Variants in CDH18 observed in about 807,000 individuals in gnomAD.
CDH18 encodes the protein cadherin-18.
CDH18 carries 31 observed loss-of-function variants against 67.9 expected under a neutral mutation model. The observed-to-expected ratio is 0.46, with a 90% confidence interval of 0.34 to 0.62. CDH18 has a LOEUF of 0.62. CDH18 is among the 20% of genes least tolerant of loss of function. The pLI is 0.01. For missense variants in CDH18, 890 were observed against 975.5 expected, an observed-to-expected ratio of 0.91 and a Z score of 1.17; for synonymous variants, 362 against 347.2, an observed-to-expected ratio of 1.04 and a Z score of -0.48.
intron 2 of CDH18, among the ~76,000 whole-genome samples, chr5:19,869,610 C>T (rs894458557): frequency 6.6e-6 from 1 of 152,028 alleles, no homozygotes; most frequent in African/African-American, 2.4e-5. Flanking sequence ...TCCAATGTCA[C>T]TTTATGACTT....
chr5:20,447,592 C>T (rs1750099833), intron 1 of CDH18, among the ~76,000 whole-genome samples: 1 of 152,146 alleles, frequency 6.6e-6, no homozygotes, highest in South Asian at 2.1e-4. Flanking sequence ...TAGAAGTTAA[C>T]CAGTCTCACA....
chr5:20,513,969 G>A (rs1290320342), intron 1 of CDH18, among the ~76,000 whole-genome samples: 1 of 152,074 alleles, frequency 6.6e-6, no homozygotes, highest in Non-Finnish European at 1.5e-5. Flanking sequence ...CAAAAATGTT[G>A]CTGATAATAA....
intron 1 of CDH18, among the ~76,000 whole-genome samples, chr5:20,501,893 T>TACACAC (rs61655025): frequency 1.2e-4 from 17 of 145,132 alleles, no homozygotes; most frequent in African/African-American, 3.0e-4. Context: ...AATACTTCCT[T>TACACAC]ACACACACAC....
intron 2 of CDH18, among the ~76,000 whole-genome samples, chr5:20,182,203 T>G (rs1329551741): frequency 6.6e-6 from 1 of 150,982 alleles, no homozygotes; most frequent in Non-Finnish European, 1.5e-5. Context: ...CGATAACTTG[T>G]TTTTTTTTGC....
chr5:19,502,838 A>G (rs776398695), intron 11 of CDH18, 154 bp downstream of exon 11: 20 of 668,320 alleles, frequency 3.0e-5, no homozygotes, highest in Non-Finnish European at 4.6e-5. Flanking sequence ...TCAATTTTAA[A>G]CACAAGCTAT....
At chr5:20,499,141 G>A (rs2126427444) in intron 1 of CDH18, among the ~76,000 whole-genome samples, 1 of 151,640 alleles carries the variant, frequency 6.6e-6, no homozygotes, top group African/African-American at 2.4e-5. Context: ...CACACACACA[G>A]TCTTCTCTTG....
At chr5:19,538,970 C>A (rs1017897272) in intron 9 of CDH18, among the ~76,000 whole-genome samples, 2 of 152,132 alleles carry the variant, frequency 1.3e-5, no homozygotes, top group African/African-American at 4.8e-5. Flanking sequence ...CCTTCCAAAA[C>A]AGAATATATT....
intron 1 of CDH18, among the ~76,000 whole-genome samples, chr5:20,465,894 A>G (rs1352713823): frequency 6.6e-6 from 1 of 152,078 alleles, no homozygotes; most frequent in Non-Finnish European, 1.5e-5. Flanking sequence ...TAAAGCTTGA[A>G]GCAGTAATTT....
intron 1 of CDH18, among the ~76,000 whole-genome samples, chr5:20,517,323 C>T (rs1400823980): frequency 1.3e-5 from 2 of 151,246 alleles, no homozygotes; most frequent in African/African-American, 2.4e-5. Flanking sequence ...TACATATAAA[C>T]ATGATAAAGT....
intron 2 of CDH18, among the ~76,000 whole-genome samples, chr5:19,973,155 T>C (rs184600258): frequency 6.6e-6 from 1 of 152,212 alleles, no homozygotes; most frequent in Admixed American, 6.5e-5. Context: ...AAAAGTAATG[T>C]TAAAAAGCCA....
chr5:19,969,678 A>G (rs975059490), intron 2 of CDH18, among the ~76,000 whole-genome samples: 11 of 136,150 alleles, frequency 8.1e-5, no homozygotes, highest in Non-Finnish European at 1.4e-4. Context: ...GGAACATCAC[A>G]CTCTGGGGAC....
intron 3 of CDH18, among the ~76,000 whole-genome samples, chr5:19,761,029 T>C (rs1581230775): frequency 6.6e-6 from 1 of 152,140 alleles, no homozygotes; most frequent in Non-Finnish European, 1.5e-5. Context: ...ATTGGGGTCC[T>C]CCCACATGTC....
intron 1 of CDH18, among the ~76,000 whole-genome samples, chr5:20,446,411 G>A (rs180959164): frequency 2.2e-4 from 33 of 152,048 alleles, no homozygotes; most frequent in African/African-American, 7.2e-4. Flanking sequence ...AACCCACTCC[G>A]CAGGCCAAGG....
At chr5:19,745,899 T>C (rs1769932484) in intron 4 of CDH18, among the ~76,000 whole-genome samples, 1 of 151,910 alleles carries the variant, frequency 6.6e-6, no homozygotes, top group African/African-American at 2.4e-5. Flanking sequence ...CCATCTTCCA[T>C]TTTTAAAAAA....
At chr5:19,595,765 C>T (rs1221442712) in intron 6 of CDH18, among the ~76,000 whole-genome samples, 5 of 152,208 alleles carry the variant, frequency 3.3e-5, no homozygotes, top group Admixed American at 1.3e-4. Flanking sequence ...TTTCTCAGCT[C>T]TCTTTCATAA....
intron 7 of CDH18, among the ~76,000 whole-genome samples, chr5:19,578,192 G>A (rs776804286): frequency 5.3e-5 from 8 of 152,184 alleles, no homozygotes; most frequent in Admixed American, 3.3e-4. Flanking sequence ...CCTAGGAAAC[G>A]AATGTAAATT....
intron 2 of CDH18, among the ~76,000 whole-genome samples, chr5:20,025,935 T>C (rs377072314): frequency 2.0e-5 from 3 of 152,362 alleles, no homozygotes; most frequent in South Asian, 4.1e-4. Flanking sequence ...CTTGGAAATA[T>C]GTTCTATTAA....
chr5:19,490,119 T>C (rs1168441338), intron 11 of CDH18, among the ~76,000 whole-genome samples: 1 of 151,712 alleles, frequency 6.6e-6, no homozygotes, highest in African/African-American at 2.4e-5. Context: ...ATGTTTGGAG[T>C]CACTAGATTT....
intron 2 of CDH18, among the ~76,000 whole-genome samples, chr5:20,025,651 T>G (rs2150441667): frequency 6.6e-6 from 1 of 152,362 alleles, no homozygotes; most frequent in Admixed American, 6.5e-5. Flanking sequence ...TATGATTTTC[T>G]TTTTCTTTCA....
Sources: allele counts gnomAD v4.1 joint callset (sites outside exome capture counted in the v4.1 genomes callset), GRCh38; gene constraint gnomAD v4.1.1; transcripts MANE v1.5; gene names NCBI Gene and HGNC (gene_info 2026-07-23, HGNC 2026-07-21).